Variants in GRXCR1 observed in about 807,000 individuals in gnomAD.
The protein encoded by GRXCR1 is glutaredoxin and cysteine rich domain containing 1.
In GRXCR1, 27 loss-of-function variants were observed where a neutral mutation model predicts 27.3. The observed-to-expected ratio is 0.99, with a 90% CI of 0.73 to 1.37. GRXCR1 has a LOEUF of 1.37. GRXCR1 is among the 40% of genes most tolerant of loss of function. The probability of loss-of-function intolerance (pLI) is 0.00; values close to 1 mark genes in which losing one functional copy is unlikely to be tolerated. For missense variants in GRXCR1, 379 were observed against 354.4 expected (o/e 1.07, Z -0.56); for synonymous variants, 122 against 131.1 (o/e 0.93, Z 0.47).
intron 1 of GRXCR1, among the ~76,000 whole-genome samples, chr4:42,954,931 G>T (rs1307556894): frequency 6.6e-6 from 1 of 152,156 alleles, no homozygotes; most frequent in African/African-American, 2.4e-5. Context: ...GGTGGGCAGA[G>T]ATTTATTTAC....
At chr4:43,002,158 C>T (rs1272829273) in intron 2 of GRXCR1, among the ~76,000 whole-genome samples, 1 of 152,272 alleles carries the variant, frequency 6.6e-6, no homozygotes, top group African/African-American at 2.4e-5. Context: ...CTTCCTCTAT[C>T]TCAACTGCAA....
intron 3 of GRXCR1, among the ~76,000 whole-genome samples, chr4:43,024,459 C>T (rs141905263): frequency 6.6e-6 from 1 of 151,952 alleles, no homozygotes; most frequent in African/African-American, 2.4e-5. Context: ...GAGGCTACAG[C>T]CATAGAAACC....
chr4:42,953,818 A>G (rs1474407373), intron 1 of GRXCR1, among the ~76,000 whole-genome samples: 1 of 152,062 alleles, frequency 6.6e-6, no homozygotes, highest in Admixed American at 6.6e-5. Flanking sequence ...TATTAATAAA[A>G]ATATATCATT....
chr4:42,951,343 G>A (rs1322349141), intron 1 of GRXCR1, among the ~76,000 whole-genome samples: 1 of 152,118 alleles, frequency 6.6e-6, no homozygotes, highest in Non-Finnish European at 1.5e-5. Context: ...GACATACCCA[G>A]AGATAATGTT....
chr4:42,968,877 T>C (rs184125194), intron 2 of GRXCR1, among the ~76,000 whole-genome samples: 196 of 152,230 alleles, frequency 1.3e-3, no homozygotes, highest in Non-Finnish European at 2.0e-3. Context: ...AGATGTCACA[T>C]TGATAGGCTT....
chr4:42,934,362 T>C (rs1163527021), intron 1 of GRXCR1, among the ~76,000 whole-genome samples: 1 of 151,722 alleles, frequency 6.6e-6, no homozygotes, highest in African/African-American at 2.4e-5. Context: ...AATTTTGTAA[T>C]AAGAAAATAG....
chr4:43,020,371 G>A lies in GRXCR1; in HGVS notation c.645G>A (p.Leu215=). The A allele has an allele frequency of 6.2e-7, 1 of 1,611,160 alleles. No homozygotes were observed. Among genetic ancestry groups the A allele is most frequent in the South Asian group, 1.1e-5 (1 of 91,026 alleles). Residue 215 remains leucine (L), a synonymous_variant, in exon 3 of 4, where the codon TTG becomes TTA. Transcript: ENST00000399770. ...GHYLGGAEKI[L]SMNESGELQD... is the part of the protein sequence containing the mutation. ...GTTAATAGGGTGCTGAGAAAATTTT[G>A]TCAATGAATGAATCAGGAGAACTGC...
At chr4:42,969,862 C>A (rs914610375) in intron 2 of GRXCR1, among the ~76,000 whole-genome samples, 4 of 152,036 alleles carry the variant, frequency 2.6e-5, no homozygotes, top group African/African-American at 9.7e-5. Context: ...CTGCATTAAC[C>A]CAAAAGTCTA....
chr4:42,969,399 TC>T (rs1358066975), intron 2 of GRXCR1, among the ~76,000 whole-genome samples: 1 of 152,134 alleles, frequency 6.6e-6, no homozygotes. Flanking sequence ...TGACTCACAG[TC>T]CTGCAGGCTT....
At chr4:43,023,259 T>C (rs1436450621) in intron 3 of GRXCR1, among the ~76,000 whole-genome samples, 3 of 152,176 alleles carry the variant, frequency 2.0e-5, no homozygotes, top group African/African-American at 7.2e-5. Flanking sequence ...TTGCTGTTAC[T>C]TGGGTTGCTA....
At chr4:43,003,868 T>C (rs185469793) in intron 2 of GRXCR1, among the ~76,000 whole-genome samples, 34 of 152,294 alleles carry the variant, frequency 2.2e-4, no homozygotes, top group Non-Finnish European at 2.9e-4. Flanking sequence ...GACCATGTGG[T>C]AGAAAAGAAG....
intron 2 of GRXCR1, among the ~76,000 whole-genome samples, chr4:42,981,334 A>G (rs935297347): frequency 5.9e-5 from 9 of 151,972 alleles, no homozygotes; most frequent in Admixed American, 3.3e-4. Context: ...ATTTTACTCC[A>G]CAATGTGCCC....
At chr4:42,956,374 G>T (rs1310908679) in intron 1 of GRXCR1, among the ~76,000 whole-genome samples, 1 of 152,030 alleles carries the variant, frequency 6.6e-6, no homozygotes, top group African/African-American at 2.4e-5. Flanking sequence ...GCCATTAGAG[G>T]CTATTTTTAG....
intron 2 of GRXCR1, among the ~76,000 whole-genome samples, chr4:43,009,006 T>C (rs2109801313): frequency 6.6e-6 from 1 of 152,340 alleles, no homozygotes; most frequent in South Asian, 2.1e-4. Flanking sequence ...CCTGGCATTG[T>C]CCTATCCATG....
chr4:42,970,866 C>A (rs1378031432), intron 2 of GRXCR1, among the ~76,000 whole-genome samples: 1 of 152,170 alleles, frequency 6.6e-6, no homozygotes, highest in African/African-American at 2.4e-5. Context: ...CATGGTCAGG[C>A]TGCAATTTTT....
rs369022273 is a variant in GRXCR1 at position 42,987,222 on chromosome 4, T to TAATATATTATATATA, written c.627+24088_627+24089insAATATATTATATATA. Among the ~76,000 whole-genome samples, 3 of 100,574 alleles carry TAATATATTATATATA rather than the reference T, an allele frequency of 3.0e-5. No individual in the cohort carries two copies. In the East Asian group the frequency reaches 8.3e-4, roughly 28 times the overall value. The allele number at this position is 100,574 out of a possible 152,430, so 66.0% of individuals were successfully genotyped here. A position where few individuals can be genotyped will look rare whatever the true frequency, so the allele number is the denominator to read the frequency against. On this transcript the variant is annotated intron_variant, in intron 2 of 3. Coordinates refer to ENST00000399770, the MANE Select transcript of GRXCR1 (RefSeq NM_001080476.3). Reference sequence around the variant, plus strand: ...TTTTCATATATATATTATATATATATTATATATTATATATATATAATATAT... The same window carrying TAATATATTATATATA: ...TTTTCATATATATATTATATATATATAATATATTATATATATATATATTATATATATATAATATAT...
chr4:42,918,795 T>C (rs1746943298), intron 1 of GRXCR1, among the ~76,000 whole-genome samples: 1 of 152,080 alleles, frequency 6.6e-6, no homozygotes. Flanking sequence ...AGGATCAAGC[T>C]GGACAGGATA....
intron 2 of GRXCR1, among the ~76,000 whole-genome samples, chr4:42,986,045 C>T (rs1054898072): frequency 9.9e-5 from 15 of 152,240 alleles, no homozygotes; most frequent in African/African-American, 3.4e-4. Flanking sequence ...AGCTCCTGAG[C>T]CAAGTTGCAG....
chr4:42,909,903 T>C (rs1412293648), intron 1 of GRXCR1, among the ~76,000 whole-genome samples: 1 of 152,064 alleles, frequency 6.6e-6, no homozygotes, highest in Non-Finnish European at 1.5e-5. Flanking sequence ...TGAAGGCATT[T>C]TCAAGAGGGA....
Sources: allele counts gnomAD v4.1 joint callset (sites outside exome capture counted in the v4.1 genomes callset), GRCh38; gene constraint gnomAD v4.1.1; transcripts MANE v1.5; gene names NCBI Gene and HGNC (gene_info 2026-07-23, HGNC 2026-07-21).